The following MAPK10 variants were observed in gnomAD, a reference collection of about 807,000 sequenced individuals.
MAPK10 encodes the protein JNK3 alpha protein kinase.
Under a neutral mutation model 59.3 loss-of-function variants are expected in MAPK10, and 25 were observed. The ratio of observed to expected loss-of-function variants is 0.42; its 90% CI spans 0.31 to 0.59. The LOEUF is 0.59. MAPK10 is among the 20% of genes least tolerant of loss of function. The pLI is 0.15. For synonymous variants in MAPK10, 190 were observed against 200.5 expected, an observed-to-expected ratio of 0.95 and a Z score of 0.44; for missense variants, 351 against 568.9, an observed-to-expected ratio of 0.62 and a Z score of 3.90.
chr4:86,330,768 G>A (rs1055592754), intron 2 of MAPK10, among the ~76,000 whole-genome samples: 5 of 152,126 alleles, frequency 3.3e-5, no homozygotes, highest in African/African-American at 1.2e-4. Context: ...AGGACCGTGA[G>A]AACCGATTAA....
chr4:86,138,953 T>G (rs941586710), intron 4 of MAPK10, among the ~76,000 whole-genome samples: 13 of 146,678 alleles, frequency 8.9e-5, no homozygotes, highest in African/African-American at 2.2e-4. Flanking sequence ...GAGAATAAAA[T>G]ACCTAGGAAT....
At chr4:86,124,770 A>G (rs891037664) in intron 4 of MAPK10, 4 of 152,028 alleles carry the variant, frequency 2.6e-5, no homozygotes, top group Non-Finnish European at 5.9e-5. Flanking sequence ...TGTATGATCT[A>G]TTTATATTCT....
chr4:86,502,127 TTCTGCC>T (rs1279953031), intron 1 of MAPK10, among the ~76,000 whole-genome samples: 1 of 152,050 alleles, frequency 6.6e-6, no homozygotes, highest in Non-Finnish European at 1.5e-5. Context: ...AACCATTTTC[TTCTGCC>T]TCTTTAACGG....
At chr4:86,559,005 C>T (rs752526358) in intron 1 of MAPK10, among the ~76,000 whole-genome samples, 1 of 152,098 alleles carries the variant, frequency 6.6e-6, no homozygotes, top group Non-Finnish European at 1.5e-5. Flanking sequence ...TCTTTGTGAA[C>T]TGAAGACCTG....
chr4:86,179,866 C>A (rs572345374), intron 3 of MAPK10, among the ~76,000 whole-genome samples: 1 of 151,976 alleles, frequency 6.6e-6, no homozygotes, highest in East Asian at 1.9e-4. Context: ...AAATGTAAGA[C>A]CTAAAACTAT....
At chr4:86,018,355 C>CAAAA (rs34741254) in intron 13 of MAPK10, among the ~76,000 whole-genome samples, 5 of 140,920 alleles carry the variant, frequency 3.5e-5, no homozygotes, top group Non-Finnish European at 7.8e-5. Context: ...ATGAAAGTTA[C>CAAAA]AAAAAAAAAA....
chr4:86,554,691 A>G (rs1760116588), intron 1 of MAPK10, among the ~76,000 whole-genome samples: 1 of 152,120 alleles, frequency 6.6e-6, no homozygotes, highest in Admixed American at 6.5e-5. Context: ...AATCTCTCCT[A>G]TAATCCATCT....
chr4:86,466,926 T>A (rs930872126), intron 1 of MAPK10, among the ~76,000 whole-genome samples: 1 of 152,148 alleles, frequency 6.6e-6, no homozygotes, highest in Non-Finnish European at 1.5e-5. Flanking sequence ...CTCCTGTGGG[T>A]CTGTTGTCTC....
At chr4:86,270,967 T>C (rs1444961698) in intron 2 of MAPK10, among the ~76,000 whole-genome samples, 1 of 152,092 alleles carries the variant, frequency 6.6e-6, no homozygotes. Flanking sequence ...TAAATAAAGC[T>C]GCTATAAACA....
intron 3 of MAPK10, among the ~76,000 whole-genome samples, chr4:86,178,008 G>A (rs144483757): frequency 2.6e-5 from 4 of 151,956 alleles, no homozygotes; most frequent in African/African-American, 7.2e-5. Flanking sequence ...ATCTTACAAC[G>A]TAAAATGCCA....
At chr4:86,300,781 T>C (rs1201112999) in intron 2 of MAPK10, 1 of 152,012 alleles carries the variant, frequency 6.6e-6, no homozygotes, top group African/African-American at 2.4e-5. Flanking sequence ...AAGATAACTA[T>C]GTACCGATAA....
intron 11 of MAPK10, among the ~76,000 whole-genome samples, chr4:86,059,271 C>T (rs556032688): frequency 2.0e-4 from 31 of 152,210 alleles, no homozygotes; most frequent in Non-Finnish European, 3.8e-4. Flanking sequence ...CTATGATGGC[C>T]TTGTAATAAA....
chr4:86,341,617 T>C (rs1724970188), intron 2 of MAPK10, among the ~76,000 whole-genome samples: 1 of 152,074 alleles, frequency 6.6e-6, no homozygotes. Flanking sequence ...ACAAGAGGAA[T>C]ATATGAAAGA....
chr4:86,076,224 GT>G lies in MAPK10; in HGVS notation c.803-8270del, dbSNP rs371834482. Among the ~76,000 whole-genome samples the G allele has an allele frequency of 7.3e-3, 1,114 of 152,278 alleles. 13 individuals carry two copies. The highest frequency in any genetic ancestry group is 0.025 in the African/African-American group (1,040 of 41,562). On this transcript the variant is annotated intron_variant, in intron 9 of 13. Coordinates refer to ENST00000641462, the MANE Select transcript of MAPK10 (RefSeq NM_138982.4). ...CTCCCTGACCCCTTGTGCTTCCCAG[GT>G]GAGGCAATGCCTCGCCCTGCTTCGG...
Position 86,029,281 on chromosome 4 carries a change from G to A in MAPK10, c.1175-7C>T, listed in dbSNP as rs761668401. 3.8e-6 allele frequency: 6 copies of A among 1,569,550 alleles called. No individual in the cohort carries two copies. In the South Asian group the frequency reaches 6.7e-5, roughly 17 times the overall value. ...ACTTCCTTGTAGATAAGTTCTGTAA[G>A]AAACAGCTGTGTTATTATAGAAAAC... is the stretch of plus-strand genomic sequence containing the variant. On this transcript the variant is annotated splice_polypyrimidine_tract_variant and splice_region_variant and intron_variant, in intron 12 of 13. Coordinates refer to ENST00000641462, the MANE Select transcript of MAPK10 (RefSeq NM_138982.4).
At chr4:86,396,044 C>A (rs547607883) in intron 1 of MAPK10, among the ~76,000 whole-genome samples, 13 of 152,238 alleles carry the variant, frequency 8.5e-5, no homozygotes, top group African/African-American at 3.1e-4. Context: ...TTTACGTGAA[C>A]CTAAGAAAGT....
At chr4:86,483,131 A>C (rs567958738) in intron 1 of MAPK10, among the ~76,000 whole-genome samples, 68 of 152,306 alleles carry the variant, frequency 4.5e-4, no homozygotes, top group Admixed American at 2.7e-3. Context: ...CCAGCACTGA[A>C]TCTTTGTCAA....
intron 4 of MAPK10, among the ~76,000 whole-genome samples, chr4:86,156,086 T>C (rs1048492637): frequency 2.6e-5 from 4 of 152,058 alleles, no homozygotes; most frequent in Non-Finnish European, 5.9e-5. Context: ...TTTCATTTAA[T>C]ATTTTCGTAT....
At chr4:86,530,607 G>T (rs898935447) in intron 1 of MAPK10, among the ~76,000 whole-genome samples, 1 of 152,116 alleles carries the variant, frequency 6.6e-6, no homozygotes. Flanking sequence ...TCTCGTGAGG[G>T]CCCATTTCTT....
Sources: gnomAD v4.1 joint callset for allele counts (sites outside exome capture counted in the v4.1 genomes callset) on GRCh38, gnomAD v4.1.1 for gene constraint, MANE v1.5 for transcripts, NCBI Gene and HGNC (gene_info 2026-07-23, HGNC 2026-07-21) for gene names.